ZNF8: variants seen among roughly 807,000 people sequenced by gnomAD.
ZNF8 encodes zinc finger protein 272.
In ZNF8, 9 loss-of-function variants were observed where a neutral mutation model predicts 12.2. That is an observed-to-expected ratio of 0.73 (90% CI 0.44 to 1.28). ZNF8 has a LOEUF of 1.28. Ranked by LOEUF, ZNF8 falls within the 50% of genes most tolerant of loss-of-function variation. The pLI, the probability that ZNF8 is intolerant of heterozygous loss-of-function variation, is 0.00. For missense variants in ZNF8, 664 were observed against 729.1 expected, an observed-to-expected ratio of 0.91 and a Z score of 1.03; for synonymous variants, 274 against 282.3, an observed-to-expected ratio of 0.97 and a Z score of 0.30.
chr19:58,282,596 T>C (rs1194254282), intron 1 of ZNF8, among the ~76,000 whole-genome samples: 1 of 152,042 alleles, frequency 6.6e-6, no homozygotes, highest in Non-Finnish European at 1.5e-5. Context: ...CCTCTAAGAG[T>C]TTTATAGTTT....
At chr19:58,286,771 T>C (rs260473) in intron 3 of ZNF8, 89,642 of 152,564 alleles carry the variant, frequency 0.59, 26,683 homozygotes, top group Middle Eastern at 0.69. Context: ...GAATGCTGGT[T>C]TCAGGCCTGC....
Position 58,286,147 on chromosome 19 carries a change from G to A in ZNF8, c.231G>A (p.Leu77=). 2 of 1,614,146 alleles carry A rather than the reference G, an allele frequency of 1.2e-6. No homozygotes were observed. The highest frequency in any genetic ancestry group is 1.1e-5 in the South Asian group (1 of 91,076). Residue 77 remains leucine, a synonymous_variant, in exon 3 of 4, where the codon CTG becomes CTA. Transcript: ENST00000621650. ...CGAAGCCTGAAGTCATCTCCCAGCT[G>A]GAGCAAGGGACCGAGCTATGGGTGG... is the stretch of plus-strand genomic sequence containing the variant. ...ELPKPEVISQ[L]EQGTELWVAE...
chr19:58,282,272 C>G (rs939496657), intron 1 of ZNF8, among the ~76,000 whole-genome samples: 1 of 152,040 alleles, frequency 6.6e-6, no homozygotes, highest in Non-Finnish European at 1.5e-5. Context: ...ATTTGTGTAT[C>G]TTCTTTTATA....
At chr19:58,282,113 A>T (rs1568522745) in intron 1 of ZNF8, among the ~76,000 whole-genome samples, 1 of 150,890 alleles carries the variant, frequency 6.6e-6, no homozygotes, top group East Asian at 1.9e-4. Context: ...GCCCTGTCTC[A>T]AAATAAAAAA....
rs1307014982 is a variant in ZNF8, at chr19:58,295,455, G to A, written c.1647G>A (p.Glu549=). The A allele has an allele frequency of 6.2e-7, 1 of 1,613,704 alleles. No homozygotes were observed. The highest frequency in any genetic ancestry group is 1.1e-5 in the South Asian group (1 of 91,090). The part of the protein sequence containing the change: ...ALFDIQKIMQ[E]KNPVHVIGVE... ...TTGACATCCAAAAAATCATGCAAGAGAAAAACCCTGTGCACGTTATTGGGG... is the reference window on the plus strand; with the variant it reads ...TTGACATCCAAAAAATCATGCAAGAAAAAAACCCTGTGCACGTTATTGGGG... Residue 549 remains glutamate, a synonymous_variant, in exon 4 of 4, where the codon GAG becomes GAA. Transcript: ENST00000621650.
chr19:58,279,730 G>C, intron 1 of ZNF8: 1 of 1,518,420 alleles, frequency 6.6e-7, no homozygotes. Flanking sequence ...CTGCAGTGCA[G>C]GGCGGTCAGT....
Position 58,285,744 on chromosome 19 carries a change from G to C in ZNF8, c.94G>C (p.Val32Leu), listed in dbSNP as rs1370083421. 2 of 1,614,198 alleles carry C rather than the reference G, an allele frequency of 1.2e-6. No homozygotes were observed. The highest frequency in any genetic ancestry group is 2.7e-5 in the African/African-American group (2 of 75,042). Reference protein sequence around the residue: ...QEPVTFRDVAVDFTQEEWGQL... With the variant: ...QEPVTFRDVALDFTQEEWGQL... ...ACCAGTGACCTTCCGGGATGTGGCT[G>C]TGGACTTTACCCAGGAGGAATGGGG... is the stretch of plus-strand genomic sequence containing the variant. The change falls in exon 2 of 4, where the codon GTG (valine) becomes CTG (leucine). Residue 32 changes from valine (V) to leucine (L), a missense_variant. By Grantham distance (32) the Val-to-Leu change is conservative. Coordinates refer to ENST00000621650, the MANE Select transcript of ZNF8 (RefSeq NM_021089.3).
At position 58,294,167 on chromosome 19, in the gene ZNF8, A is replaced by G; in HGVS notation, c.359A>G (p.His120Arg). 1 of 1,613,970 alleles carries G rather than the reference A, an allele frequency of 6.2e-7. No homozygotes were observed. Among genetic ancestry groups the G allele is most frequent in the Non-Finnish European group, 8.5e-7 (1 of 1,179,838 alleles). Reference sequence around the variant, plus strand: ...GGCCTGCCTGAAGAGGAGCCATCCCATGTCACGGGAAGGGAAGGATTCCCG... The same window carrying G: ...GGCCTGCCTGAAGAGGAGCCATCCCGTGTCACGGGAAGGGAAGGATTCCCG... ...EEGLPEEEPS[H>R]VTGREGFPTD... Residue 120 changes from histidine (H) to arginine (R), a missense_variant, in exon 4 of 4, where the codon CAT (histidine) becomes CGT (arginine). Transcript: ENST00000621650. This position sits in a 1 kb window ranked among gnomAD's most constrained non-coding sequence, Gnocchi z 5.5.
Position 58,295,234 on chromosome 19 carries a change from T to G in ZNF8, c.1426T>G (p.Phe476Val). 1.2e-6 allele frequency: 2 copies of G among 1,614,176 alleles called. No homozygotes were observed. Among genetic ancestry groups the G allele is most frequent in the Non-Finnish European group, 8.5e-7 (1 of 1,180,028 alleles). Residue 476 changes from phenylalanine to valine, a missense_variant, in exon 4 of 4, where the codon TTC becomes GTC. Phe to Val is a conservative substitution (Grantham distance 50). Around this residue, in one of 3 missense-constraint regions of ZNF8, gnomAD observed 225 missense variants for 222.0 expected, o/e 1.01. Transcript: ENST00000621650. ...PFKCNQCGKC[F>V]IQSSHLIRHQ... The stretch of plus-strand genomic sequence containing the variant: ...CAAATGTAATCAGTGTGGGAAGTGT[T>G]TCATTCAGAGCTCTCACCTCATCCG...
rs1272047214 is a variant in ZNF8, at chr19:58,299,186, C to T, written c.*3650C>T. On this transcript the variant is annotated 3_prime_UTR_variant, in exon 4 of 4. Transcript: ENST00000621650. ...GGAGTGCAGTGGTGCGATCTCGGCT[C>T]ACTGCAAGCTCCGCCTCCCAGGTTC... 1 of 149,356 alleles carries T rather than the reference C, an allele frequency of 6.7e-6. No individual in the cohort carries two copies. Among genetic ancestry groups the T allele is most frequent in the Admixed American group, 6.6e-5 (1 of 15,062 alleles). The allele number at this position is 149,356 out of a possible 1,614,324, so 9.3% of individuals were successfully genotyped here. A position where few individuals can be genotyped will look rare whatever the true frequency, so the allele number is the denominator to read the frequency against.
At position 58,295,579 on chromosome 19, in the gene ZNF8, GTGGTAAGTCCACATAGTGTACTCA is replaced by G; in HGVS notation, c.*47_*70del. ...TGACTTTTAACCACAAGTAAAAAAT[GTGGTAAGTCCACATAGTGTACTCA>G]TGGAAGGAGGGGCTGGGGGTAGAAA... On this transcript the variant is annotated 3_prime_UTR_variant, in exon 4 of 4. Coordinates refer to ENST00000621650, the MANE Select transcript of ZNF8 (RefSeq NM_021089.3). 6.7e-7 allele frequency: 1 copy of G among 1,494,438 alleles called. No individual in the cohort carries two copies. Among genetic ancestry groups the G allele is most frequent in the Non-Finnish European group, 9.1e-7 (1 of 1,099,404 alleles). 92.6% of individuals were successfully genotyped at this position (1,494,438 alleles called of 1,614,324 possible).
rs775007581 is a variant in ZNF8, at chr19:58,279,013, C to T, written c.-69C>T. 3.3e-5 allele frequency: 45 copies of T among 1,350,096 alleles called. No individual in the cohort carries two copies. Among genetic ancestry groups the T allele is most frequent in the Non-Finnish European group, 4.2e-5 (44 of 1,042,422 alleles). 83.6% of individuals were successfully genotyped at this position (1,350,096 alleles called of 1,614,324 possible). On this transcript the variant is annotated 5_prime_UTR_variant, in exon 1 of 4. Transcript: ENST00000621650. ...TCCGGCGTTCGGCGAGTCGGGTGGT[C>T]CCTTTGGCTGGAGTGCCTCTCTGGT...
Position 58,295,572 on chromosome 19 carries a change from A to C in ZNF8, c.*36A>C, listed in dbSNP as rs1281899375. 1.5e-5 allele frequency: 22 copies of C among 1,512,426 alleles called. No homozygotes were observed. The highest frequency in any genetic ancestry group is 1.9e-5 in the Non-Finnish European group (21 of 1,114,124). The allele number at this position is 1,512,426 out of a possible 1,614,324, so 93.7% of individuals were successfully genotyped here. A position where few individuals can be genotyped will look rare whatever the true frequency, so the allele number is the denominator to read the frequency against. On this transcript the variant is annotated 3_prime_UTR_variant, in exon 4 of 4. Coordinates refer to ENST00000621650, the MANE Select transcript of ZNF8 (RefSeq NM_021089.3). ...TTGCTGATGACTTTTAACCACAAGT[A>C]AAAAATGTGGTAAGTCCACATAGTG...
Position 58,295,594 on chromosome 19 carries a change from A to C in ZNF8, c.*58A>C. ...AGTAAAAAATGTGGTAAGTCCACATAGTGTACTCATGGAAGGAGGGGCTGG... is the reference window on the plus strand; with the variant it reads ...AGTAAAAAATGTGGTAAGTCCACATCGTGTACTCATGGAAGGAGGGGCTGG... On this transcript the variant is annotated 3_prime_UTR_variant, in exon 4 of 4. Transcript: ENST00000621650. 1 of 1,353,456 alleles carries C rather than the reference A, an allele frequency of 7.4e-7. No homozygotes were observed. The highest frequency in any genetic ancestry group is 1.0e-6 in the Non-Finnish European group (1 of 981,244). The allele number at this position is 1,353,456 out of a possible 1,614,324, so 83.8% of individuals were successfully genotyped here. A position where few individuals can be genotyped will look rare whatever the true frequency, so the allele number is the denominator to read the frequency against.
At chr19:58,290,596 C>T (rs2051413746) in intron 3 of ZNF8, among the ~76,000 whole-genome samples, 1 of 151,924 alleles carries the variant, frequency 6.6e-6, no homozygotes, top group South Asian at 2.1e-4. Flanking sequence ...CGCGTCTCTA[C>T]AAAAAAATTT....
At chr19:58,279,332 C>G in intron 1 of ZNF8, 185 bp downstream of exon 1, 1 of 1,481,356 alleles carries the variant, frequency 6.8e-7, no homozygotes, top group Non-Finnish European at 9.0e-7. Context: ...GGCCGGGATT[C>G]CAACCAGGCG....
intron 1 of ZNF8, among the ~76,000 whole-genome samples, 185 bp from the exon 2 acceptor site, chr19:58,285,532 C>T (rs1600454069): frequency 6.6e-6 from 1 of 152,212 alleles, no homozygotes; most frequent in East Asian, 1.9e-4. Flanking sequence ...CACATGTCCT[C>T]ACTGTACAAC....
chr19:58,295,948 G>A lies in ZNF8; in HGVS notation c.*412G>A, dbSNP rs909733089. On this transcript the variant is annotated 3_prime_UTR_variant, in exon 4 of 4. Transcript: ENST00000621650. ...GGGCCCAATTTTGCCAGGAGACCTA[G>A]GGCAATAGCCTGTTGCTTGTGGACT... The A allele has an allele frequency of 5.5e-6, 1 of 180,790 alleles. No homozygotes were observed. Among genetic ancestry groups the A allele is most frequent in the Non-Finnish European group, 1.2e-5 (1 of 85,992 alleles). The allele number at this position is 180,790 out of a possible 1,614,324, so 11.2% of individuals were successfully genotyped here. A position where few individuals can be genotyped will look rare whatever the true frequency, so the allele number is the denominator to read the frequency against.
Position 58,295,320 on chromosome 19 carries a change from A to G in ZNF8, c.1512A>G (p.Gln504=), listed in dbSNP as rs17853924. ...QPHGRSRRRE[Q]SSSRNSHLVQ... The stretch of plus-strand genomic sequence containing the variant: ...ATGGGCGAAGCCGGCGGCGTGAACA[A>G]TCCTCGAGCAGGAACTCACACCTGG... Residue 504 remains glutamine, a synonymous_variant, in exon 4 of 4, where the codon CAA becomes CAG. Transcript: ENST00000621650. The G allele has an allele frequency of 0.034, 54,241 of 1,614,130 alleles. 1,199 individuals carry two copies. The highest frequency in any genetic ancestry group is 0.11 in the African/African-American group (7,889 of 75,022).
Sources: allele counts gnomAD v4.1 joint callset (sites outside exome capture counted in the v4.1 genomes callset), GRCh38; gene constraint gnomAD v4.1.1; regional missense constraint gnomAD v4.1.1; non-coding constraint Gnocchi (gnomAD v3.1); transcripts MANE v1.5; gene names NCBI Gene and HGNC (gene_info 2026-07-23, HGNC 2026-07-21).